The following SYNDIG1 variants were observed in gnomAD, a reference collection of about 807,000 sequenced individuals.
SYNDIG1 encodes the protein synapse differentiation-inducing gene protein 1.
A neutral mutation model predicts 19.4 loss-of-function variants in SYNDIG1; 9 were observed. The ratio of observed to expected loss-of-function variants is 0.46; its 90% CI spans 0.28 to 0.81. The LOEUF (loss-of-function observed/expected upper bound fraction) is 0.81. Among genes scored for constraint, SYNDIG1 ranks in the 30% least tolerant of loss-of-function variants. The pLI is 0.12. For synonymous variants in SYNDIG1, 141 were observed against 145.9 expected (o/e 0.97, Z 0.24); for missense variants, 311 against 343.3 (o/e 0.91, Z 0.74).
At chr20:24,487,479 C>T (rs540433679) in intron 1 of SYNDIG1, among the ~76,000 whole-genome samples, 2 of 152,246 alleles carry the variant, frequency 1.3e-5, no homozygotes, top group South Asian at 2.1e-4. Context: ...GCTCTGGTTC[C>T]TCCATCTCTA....
At chr20:24,653,583 A>T (rs1048421256) in intron 3 of SYNDIG1, among the ~76,000 whole-genome samples, 1 of 152,164 alleles carries the variant, frequency 6.6e-6, no homozygotes, top group Admixed American at 6.5e-5. Flanking sequence ...GGCCCCTCTA[A>T]TGCCCAGGCC....
At chr20:24,504,318 A>G (rs2056532752) in intron 1 of SYNDIG1, among the ~76,000 whole-genome samples, 1 of 152,122 alleles carries the variant, frequency 6.6e-6, no homozygotes, top group Non-Finnish European at 1.5e-5. Flanking sequence ...GGCTTGTTTC[A>G]CTGCAGTGTA....
chr20:24,596,041 T>C (rs2058589575), intron 3 of SYNDIG1, among the ~76,000 whole-genome samples: 1 of 152,216 alleles, frequency 6.6e-6, no homozygotes, highest in Admixed American at 6.5e-5. Flanking sequence ...CTTCTACGTG[T>C]AATGTTAAGT....
At chr20:24,637,083 G>A (rs1452851420) in intron 3 of SYNDIG1, among the ~76,000 whole-genome samples, 2 of 152,216 alleles carry the variant, frequency 1.3e-5, no homozygotes, top group African/African-American at 4.8e-5. Context: ...CCACGGGCAG[G>A]GCCCGGGGAG....
At chr20:24,490,025 A>G (rs982024922) in intron 1 of SYNDIG1, among the ~76,000 whole-genome samples, 10 of 152,232 alleles carry the variant, frequency 6.6e-5, no homozygotes, top group Admixed American at 2.0e-4. Context: ...CACAAATAAC[A>G]GAAGAGAGAG....
chr20:24,634,896 A>G (rs1344428632), intron 3 of SYNDIG1, among the ~76,000 whole-genome samples: 1 of 152,140 alleles, frequency 6.6e-6, no homozygotes, highest in Non-Finnish European at 1.5e-5. Flanking sequence ...CCAGTTCTTT[A>G]CAGCTGCTGA....
At chr20:24,618,656 T>C (rs1243462922) in intron 3 of SYNDIG1, among the ~76,000 whole-genome samples, 1 of 152,214 alleles carries the variant, frequency 6.6e-6, no homozygotes, top group Non-Finnish European at 1.5e-5. Flanking sequence ...GTGTTAAAAA[T>C]GTTCCTTCCC....
At chr20:24,600,114 T>C (rs183301145) in intron 3 of SYNDIG1, among the ~76,000 whole-genome samples, 2 of 152,350 alleles carry the variant, frequency 1.3e-5, no homozygotes, top group East Asian at 3.9e-4. Context: ...ATTTCTTTCA[T>C]ATGTCTTCAC....
At chr20:24,530,484 G>A (rs111931269) in intron 1 of SYNDIG1, among the ~76,000 whole-genome samples, 1,804 of 152,316 alleles carry the variant, frequency 0.012, 17 homozygotes, top group Non-Finnish European at 0.019. Context: ...CAAATCACAG[G>A]CTTTTCTGTG....
intron 1 of SYNDIG1, among the ~76,000 whole-genome samples, chr20:24,521,429 T>G (rs1296011998): frequency 6.6e-6 from 1 of 152,132 alleles, no homozygotes; most frequent in African/African-American, 2.4e-5. Flanking sequence ...GGCTGCTGTA[T>G]GGTAACTCAG....
chr20:24,498,427 C>T (rs1024397003), intron 1 of SYNDIG1, among the ~76,000 whole-genome samples: 7 of 152,270 alleles, frequency 4.6e-5, no homozygotes, highest in South Asian at 2.1e-4. Context: ...TAGCCATAGG[C>T]GCTGAGCTGC....
chr20:24,612,161 C>G (rs969033460), intron 3 of SYNDIG1, among the ~76,000 whole-genome samples: 1 of 152,240 alleles, frequency 6.6e-6, no homozygotes, highest in Admixed American at 6.5e-5. Context: ...CTGATTCTTT[C>G]TACAAATTCT....
intron 1 of SYNDIG1, among the ~76,000 whole-genome samples, chr20:24,496,089 C>T (rs1170481589): frequency 6.6e-6 from 1 of 152,188 alleles, no homozygotes; most frequent in African/African-American, 2.4e-5. Flanking sequence ...TCGTGATCAG[C>T]CCGCCTCGGC....
intron 3 of SYNDIG1, among the ~76,000 whole-genome samples, chr20:24,599,735 G>A (rs1214913888): frequency 1.3e-5 from 2 of 152,190 alleles, no homozygotes; most frequent in African/African-American, 2.4e-5. Context: ...GTACAAAAAG[G>A]CAAATACTAC....
In SYNDIG1 at chr20:24,560,029, C is replaced by CT. The variant is rs56884793; in HGVS notation, c.480+16468dup. Among the ~76,000 whole-genome samples, 168 of 88,846 alleles carry CT rather than the reference C, an allele frequency of 1.9e-3. 1 individual carries two copies. The highest frequency in any genetic ancestry group is 2.3e-3 in the African/African-American group (55 of 23,606). 58.3% of individuals were successfully genotyped at this position (88,846 alleles called of 152,430 possible). ...AAGGTTTTGGCCATTATTTCTTTGA[C>CT]TTTTTTTTTTTTTTTTAACATTTCT... On this transcript the variant is annotated intron_variant, in intron 2 of 3. Transcript: ENST00000376862.
chr20:24,513,771 AG>A (rs895349537), intron 1 of SYNDIG1, among the ~76,000 whole-genome samples: 21 of 152,354 alleles, frequency 1.4e-4, no homozygotes, highest in African/African-American at 4.8e-4. Context: ...GGAAATACAG[AG>A]AGTGCCACAA....
At chr20:24,544,424 A>G (rs2057534668) in intron 2 of SYNDIG1, among the ~76,000 whole-genome samples, 1 of 152,212 alleles carries the variant, frequency 6.6e-6, no homozygotes, top group African/African-American at 2.4e-5. Context: ...GAAACCGCCG[A>G]GCAGGTCCAA....
chr20:24,550,737 CCTGACCTCGTGAT>C (rs2057690899), intron 2 of SYNDIG1, among the ~76,000 whole-genome samples: 3 of 152,104 alleles, frequency 2.0e-5, no homozygotes, highest in Admixed American at 2.0e-4. Context: ...GTCTCGATCT[CCTGACCTCGTGAT>C]CTGCCCGCCT....
intron 3 of SYNDIG1, among the ~76,000 whole-genome samples, chr20:24,625,893 G>A (rs1017925245): frequency 1.1e-4 from 16 of 152,358 alleles, no homozygotes; most frequent in South Asian, 8.3e-4. Context: ...CCTCCCAGAC[G>A]AGGTGGTGGC....
Sources: gnomAD v4.1 joint callset for allele counts (sites outside exome capture counted in the v4.1 genomes callset) on GRCh38, gnomAD v4.1.1 for gene constraint, MANE v1.5 for transcripts, NCBI Gene and HGNC (gene_info 2026-07-23, HGNC 2026-07-21) for gene names.